Variants in ZHX3 observed in about 807,000 individuals in gnomAD.
ZHX3 encodes the protein zinc fingers and homeoboxes protein 3.
Under a neutral mutation model 64.5 loss-of-function variants are expected in ZHX3, and 20 were observed. The observed-to-expected ratio is 0.31, with a 90% CI of 0.22 to 0.45. The LOEUF (loss-of-function observed/expected upper bound fraction) is 0.45, where lower values mean the gene tolerates loss of function less well. Ranked by LOEUF, ZHX3 falls within the 20% of genes least tolerant of loss-of-function variation. The pLI is 1.00. For missense variants in ZHX3, 1,041 were observed against 1,195.8 expected (o/e 0.87, Z 1.91); for synonymous variants, 423 against 461.6 (o/e 0.92, Z 1.07).
In ZHX3 at chr20:41,203,554, C is replaced by T; in HGVS notation, c.1363G>A (p.Gly455Ser). 6.2e-7 allele frequency: 1 copy of T among 1,614,184 alleles called. No homozygotes were observed. Among genetic ancestry groups the T allele is most frequent in the Admixed American group, 1.7e-5 (1 of 60,024 alleles). ...CACACAGTGTTAATGGGTGCCACAC[C>T]TGGCTGCTTGGGGACGGATGTCACC... ...LTVTSVPKQP[G>S]VAPINTVCSN... Residue 455 changes from glycine (G) to serine (S), a missense_variant, in exon 3 of 4, where the codon GGT (glycine) becomes AGT (serine). Transcript: ENST00000683867. This position sits in a 1 kb window ranked among gnomAD's most constrained non-coding sequence, Gnocchi z 7.1.
chr20:41,253,244 GTAA>G (rs1205975010), intron 2 of ZHX3, among the ~76,000 whole-genome samples: 4 of 86,256 alleles, frequency 4.6e-5, no homozygotes, highest in African/African-American at 2.6e-4. Context: ...TGGGACTACA[GTAA>G]AAAAAAAAAA....
chr20:41,221,133 C>T (rs1013518964), intron 2 of ZHX3, among the ~76,000 whole-genome samples: 11 of 152,196 alleles, frequency 7.2e-5, no homozygotes, highest in African/African-American at 2.7e-4. Context: ...CTCCACTGTT[C>T]TTCTCTGAAT....
rs1237361432 is a variant in ZHX3 at position 41,228,725 on chromosome 20, A to AT, written c.-150-23660dup. On this transcript the variant is annotated intron_variant, in intron 2 of 3. Transcript: ENST00000683867. The surrounding 1 kb of genome is among the most constrained non-coding windows in gnomAD (Gnocchi z 4.6). The stretch of plus-strand genomic sequence containing the variant: ...TAGGGATTAAAATTTCAACACGTGA[A>AT]TTTTAGGAGATACATTCAGTCCACT... 6.6e-6 allele frequency among the ~76,000 whole-genome samples: 1 copy of AT among 152,192 alleles called. No homozygotes were observed. Among genetic ancestry groups the AT allele is most frequent in the African/African-American group, 2.4e-5 (1 of 41,440 alleles).
chr20:41,273,795 TTC>T (rs2043260603), intron 1 of ZHX3, among the ~76,000 whole-genome samples: 1 of 152,216 alleles, frequency 6.6e-6, no homozygotes, highest in Admixed American at 6.5e-5. Context: ...AACTTTGTTT[TTC>T]TTTTTCAAGA....
In ZHX3 at chr20:41,205,067, C is replaced by A; in HGVS notation, c.-150-1G>T. The A allele has an allele frequency of 7.8e-7, 1 of 1,284,086 alleles. No individual in the cohort carries two copies. Among genetic ancestry groups the A allele is most frequent in the Non-Finnish European group, 1.0e-6 (1 of 1,000,136 alleles). 79.5% of individuals were successfully genotyped at this position (1,284,086 alleles called of 1,614,324 possible). On this transcript the variant is annotated splice_acceptor_variant, in intron 2 of 3. Coordinates refer to ENST00000683867, the MANE Select transcript of ZHX3 (RefSeq NM_001384317.1). LOFTEE classifies it low-confidence loss of function (5UTR_SPLICE). ...AGAAAGCAGGTTTTCCCTATTCAAT[C>A]TAAGGAAAGGGAGAAAAAAATGATT...
chr20:41,245,178 G>C (rs747315451), intron 2 of ZHX3, among the ~76,000 whole-genome samples: 1 of 152,212 alleles, frequency 6.6e-6, no homozygotes, highest in African/African-American at 2.4e-5. Context: ...AATTTTCACA[G>C]CATCATGTAA....
At chr20:41,198,800 C>A (rs112100543) in intron 3 of ZHX3, among the ~76,000 whole-genome samples, 2 of 151,756 alleles carry the variant, frequency 1.3e-5, no homozygotes, top group Admixed American at 1.3e-4. Context: ...TCTTTTTCTG[C>A]GATTCCTATA....
chr20:41,264,531 C>T (rs1231284451), intron 2 of ZHX3, among the ~76,000 whole-genome samples: 3 of 147,366 alleles, frequency 2.0e-5, no homozygotes, highest in African/African-American at 5.1e-5. Context: ...TGCACTCCAG[C>T]CTGGGCAACA....
At chr20:41,253,596 A>C (rs1379499873) in intron 2 of ZHX3, among the ~76,000 whole-genome samples, 1 of 152,202 alleles carries the variant, frequency 6.6e-6, no homozygotes, top group Non-Finnish European at 1.5e-5. Flanking sequence ...GGGAAGGGAC[A>C]TGAGGAAACT....
Position 41,181,998 on chromosome 20 carries a change from GTTCT to G in ZHX3, c.*3189_*3192del, listed in dbSNP as rs1568771618. 1.3e-5 allele frequency: 2 copies of G among 152,104 alleles called. No homozygotes were observed. Among genetic ancestry groups the G allele is most frequent in the South Asian group, 2.1e-4 (1 of 4,828 alleles). The allele number at this position is 152,104 out of a possible 1,614,324, so 9.4% of individuals were successfully genotyped here. A position where few individuals can be genotyped will look rare whatever the true frequency, so the allele number is the denominator to read the frequency against. On this transcript the variant is annotated 3_prime_UTR_variant, in exon 4 of 4. Coordinates refer to ENST00000683867, the MANE Select transcript of ZHX3 (RefSeq NM_001384317.1). ...CCCTGGCAAGCCATCCAACTAGGGCGTTCTTTTTCAGGAACCCAAGATTCTCAAA... is the reference window on the plus strand; with the variant it reads ...CCCTGGCAAGCCATCCAACTAGGGCGTTTTCAGGAACCCAAGATTCTCAAA...
At chr20:41,272,204 C>T (rs1473007985) in intron 1 of ZHX3, 2 of 152,092 alleles carry the variant, frequency 1.3e-5, no homozygotes, top group East Asian at 3.9e-4. Flanking sequence ...AGGGAGAAAC[C>T]TCCTTGGGAT....
In ZHX3 at chr20:41,195,267, C is replaced by T. The variant is rs537807162; in HGVS notation, c.2860+6790G>A. Among the ~76,000 whole-genome samples, 35 of 152,210 alleles carry T rather than the reference C, an allele frequency of 2.3e-4. No individual in the cohort carries two copies. Among genetic ancestry groups the T allele is most frequent in the Admixed American group, 1.8e-3 (27 of 15,296 alleles). On this transcript the variant is annotated intron_variant, in intron 3 of 3. Coordinates refer to ENST00000683867, the MANE Select transcript of ZHX3 (RefSeq NM_001384317.1). This position sits in a 1 kb window ranked among gnomAD's most constrained non-coding sequence, Gnocchi z 4.2. ...AGTAGCTGGCACTACAGGAACATGC[C>T]ACCACACCTGGCTTATTTTTTACTT... is the stretch of plus-strand genomic sequence containing the variant.
At chr20:41,199,718 T>G (rs929959169) in intron 3 of ZHX3, among the ~76,000 whole-genome samples, 1 of 151,390 alleles carries the variant, frequency 6.6e-6, no homozygotes, top group Non-Finnish European at 1.5e-5. Flanking sequence ...TTTTTTTTTT[T>G]GCAATGGAGC....
intron 2 of ZHX3, among the ~76,000 whole-genome samples, chr20:41,227,838 C>A (rs1305950519): frequency 1.3e-5 from 2 of 152,060 alleles, no homozygotes; most frequent in East Asian, 3.8e-4. Context: ...AATTTCTAGT[C>A]CAAGTATATC....
At chr20:41,225,890 A>T (rs2040236041) in intron 2 of ZHX3, among the ~76,000 whole-genome samples, 1 of 152,214 alleles carries the variant, frequency 6.6e-6, no homozygotes, top group Non-Finnish European at 1.5e-5. Flanking sequence ...AGATGCAAAT[A>T]CTATACCCAT....
intron 1 of ZHX3, among the ~76,000 whole-genome samples, chr20:41,276,887 A>G (rs954915480): frequency 5.3e-5 from 8 of 152,252 alleles, no homozygotes; most frequent in African/African-American, 1.9e-4. Flanking sequence ...AGATTTTAAA[A>G]ATTGTGATAT....
intron 2 of ZHX3, chr20:41,238,639 G>A (rs933006698): frequency 1.3e-5 from 2 of 152,050 alleles, no homozygotes; most frequent in African/African-American, 4.8e-5. Flanking sequence ...ATCAAAACAA[G>A]ATAAATTTGA....
chr20:41,186,765 T>C (rs936027231), intron 3 of ZHX3, among the ~76,000 whole-genome samples: 1 of 152,256 alleles, frequency 6.6e-6, no homozygotes, highest in African/African-American at 2.4e-5. Flanking sequence ...CATGTACTTA[T>C]TGGCCATTTG....
At chr20:41,294,444 C>T (rs1043462727) in intron 1 of ZHX3, among the ~76,000 whole-genome samples, 4 of 152,110 alleles carry the variant, frequency 2.6e-5, no homozygotes, top group Non-Finnish European at 4.4e-5. Flanking sequence ...TAACTGCAAC[C>T]CCTGCCTCCT....
Sources: gnomAD v4.1 joint callset for allele counts (sites outside exome capture counted in the v4.1 genomes callset) on GRCh38, gnomAD v4.1.1 for gene constraint, Gnocchi (gnomAD v3.1) non-coding constraint, MANE v1.5 for transcripts, NCBI Gene and HGNC (gene_info 2026-07-23, HGNC 2026-07-21) for gene names.